The following PCDH7 variants were observed in gnomAD, a reference collection of about 807,000 sequenced individuals.
The protein encoded by PCDH7 is protocadherin 7.
Under a neutral mutation model 58.9 loss-of-function variants are expected in PCDH7, and 17 were observed. The ratio of observed to expected loss-of-function variants is 0.29; its 90% CI spans 0.20 to 0.43. PCDH7 has a LOEUF of 0.43. PCDH7 is among the 20% of genes least tolerant of loss of function. PCDH7 has a pLI of 1.00. For synonymous variants in PCDH7, 664 were observed against 616.4 expected, an observed-to-expected ratio of 1.08 and a Z score of -1.14; for missense variants, 1,274 against 1,441.0, an observed-to-expected ratio of 0.88 and a Z score of 1.88.
intron 1 of PCDH7, among the ~76,000 whole-genome samples, chr4:30,854,668 T>C (rs555897894): frequency 1.2e-4 from 19 of 152,130 alleles, no homozygotes; most frequent in Middle Eastern, 3.4e-3. Context: ...GGGTTTAAAA[T>C]TGTTTGCAGC....
At chr4:30,933,745 C>T (rs554041232) in intron 2 of PCDH7, among the ~76,000 whole-genome samples, 19 of 152,294 alleles carry the variant, frequency 1.2e-4, no homozygotes, top group Non-Finnish European at 2.9e-5. Context: ...GTATCTGACA[C>T]TCACAACTGT....
intron 1 of PCDH7, among the ~76,000 whole-genome samples, chr4:30,828,639 A>C (rs920986020): frequency 1.3e-5 from 2 of 152,068 alleles, no homozygotes; most frequent in Admixed American, 6.6e-5. Flanking sequence ...GTGCAAAAAA[A>C]CATAAGGCTG....
intron 1 of PCDH7, among the ~76,000 whole-genome samples, chr4:30,900,713 G>A (rs911320282): frequency 1.3e-5 from 2 of 152,296 alleles, no homozygotes; most frequent in Non-Finnish European, 2.9e-5. Context: ...AAAGGCAGAA[G>A]AGATGGTAAA....
At chr4:31,022,274 C>T (rs1754089455) in intron 3 of PCDH7, among the ~76,000 whole-genome samples, 1 of 152,082 alleles carries the variant, frequency 6.6e-6, no homozygotes, top group South Asian at 2.1e-4. Flanking sequence ...TAAAGGTATT[C>T]TTAGCACCAT....
At chr4:30,873,665 T>C (rs1441954440) in intron 1 of PCDH7, among the ~76,000 whole-genome samples, 3 of 152,102 alleles carry the variant, frequency 2.0e-5, no homozygotes, top group African/African-American at 7.2e-5. Context: ...GAGATTCAGG[T>C]CAAAACTGAG....
At chr4:30,964,493 G>A (rs1327797209) in intron 3 of PCDH7, among the ~76,000 whole-genome samples, 15 of 151,848 alleles carry the variant, frequency 9.9e-5, no homozygotes, top group Admixed American at 4.6e-4. Context: ...CGCCTGCCTC[G>A]GCCTCCCAAA....
At chr4:30,970,035 G>C (rs1403166528) in intron 3 of PCDH7, among the ~76,000 whole-genome samples, 1 of 152,204 alleles carries the variant, frequency 6.6e-6, no homozygotes, top group Non-Finnish European at 1.5e-5. Context: ...CTGAGGCTTA[G>C]AGTTACTCAT....
chr4:31,110,251 G>T (rs1393575944), intron 3 of PCDH7, among the ~76,000 whole-genome samples: 1 of 152,174 alleles, frequency 6.6e-6, no homozygotes, highest in East Asian at 1.9e-4. Flanking sequence ...GGACACTCTA[G>T]TTCCAAAGTG....
chr4:30,832,590 GA>G (rs912855749), intron 1 of PCDH7, among the ~76,000 whole-genome samples: 1 of 151,984 alleles, frequency 6.6e-6, no homozygotes, highest in Admixed American at 6.6e-5. Flanking sequence ...ATGTTGTTAG[GA>G]AAAAAATAGA....
At chr4:31,072,578 T>C (rs11721860) in intron 3 of PCDH7, among the ~76,000 whole-genome samples, 18,168 of 152,072 alleles carry the variant, frequency 0.12, 1,318 homozygotes, top group East Asian at 0.25. Flanking sequence ...TGTAAGATCA[T>C]GTAGAGTTGC....
intron 3 of PCDH7, among the ~76,000 whole-genome samples, chr4:31,135,802 A>C (rs754889157): frequency 1.3e-5 from 2 of 152,200 alleles, no homozygotes; most frequent in Non-Finnish European, 2.9e-5. Flanking sequence ...CCTTGCATTA[A>C]TTCATATCAG....
chr4:30,807,307 T>C (rs1355343982), intron 1 of PCDH7, among the ~76,000 whole-genome samples: 3 of 152,104 alleles, frequency 2.0e-5, no homozygotes, highest in African/African-American at 7.2e-5. Flanking sequence ...AACAATAAAA[T>C]ACAAAAAAAG....
intron 1 of PCDH7, among the ~76,000 whole-genome samples, chr4:30,826,206 T>C (rs1037760728): frequency 1.6e-4 from 25 of 152,136 alleles, no homozygotes; most frequent in African/African-American, 5.1e-4. Flanking sequence ...AGGACCTATA[T>C]TGAGTTTAGA....
At chr4:30,806,137 T>G (rs186649135) in intron 1 of PCDH7, among the ~76,000 whole-genome samples, 1 of 152,168 alleles carries the variant, frequency 6.6e-6, no homozygotes, top group Non-Finnish European at 1.5e-5. Flanking sequence ...TTTCATTATT[T>G]AAAATCCTTC....
intron 2 of PCDH7, among the ~76,000 whole-genome samples, chr4:30,938,443 C>T (rs1306928923): frequency 4.6e-5 from 7 of 151,390 alleles, no homozygotes. Flanking sequence ...TATGAGCAAA[C>T]TTTAGGATGA....
chr4:30,806,195 T>C (rs1432532633), intron 1 of PCDH7, among the ~76,000 whole-genome samples: 2 of 152,162 alleles, frequency 1.3e-5, no homozygotes, highest in Non-Finnish European at 2.9e-5. Context: ...CCCAAATTGG[T>C]ACAAGCATGT....
chr4:30,962,776 T>TAAA lies in PCDH7; in HGVS notation c.*7+12588_*7+12590dup, dbSNP rs57257786. Among the ~76,000 whole-genome samples, 492 of 70,566 alleles carry TAAA rather than the reference T, an allele frequency of 7.0e-3. 14 individuals carry two copies. The highest frequency in any genetic ancestry group is 0.024 in the African/African-American group (455 of 18,802). 46.3% of individuals were successfully genotyped at this position (70,566 alleles called of 152,430 possible). A position where few individuals can be genotyped will look rare whatever the true frequency, so the allele number is the denominator to read the frequency against. ...TGGGGGTCAGAATGAGACCCAGTCTTAAAAAAAAAAAAAAAAAAAAAAAAA... is the reference window on the plus strand; with the variant it reads ...TGGGGGTCAGAATGAGACCCAGTCTTAAAAAAAAAAAAAAAAAAAAAAAAAAAA... On this transcript the variant is annotated intron_variant, in intron 3 of 3. Transcript: ENST00000509759.
chr4:31,056,992 G>A (rs1306267460), intron 3 of PCDH7, among the ~76,000 whole-genome samples: 2 of 152,104 alleles, frequency 1.3e-5, no homozygotes, highest in Non-Finnish European at 2.9e-5. Context: ...TTAAGGATTT[G>A]TTTATTTTTA....
At chr4:30,786,473 C>G (rs1723414914) in intron 1 of PCDH7, among the ~76,000 whole-genome samples, 1 of 152,056 alleles carries the variant, frequency 6.6e-6, no homozygotes. Context: ...TTATACCATG[C>G]AAACATCTCT....
Sources: allele counts gnomAD v4.1 joint callset (sites outside exome capture counted in the v4.1 genomes callset), GRCh38; gene constraint gnomAD v4.1.1; transcripts MANE v1.5; gene names NCBI Gene and HGNC (gene_info 2026-07-23, HGNC 2026-07-21).